The following RABGAP1L variants were observed in gnomAD, a reference collection of about 807,000 sequenced individuals.
The protein encoded by RABGAP1L is RAB GTPase activating protein 1 like.
A neutral mutation model predicts 137.7 loss-of-function variants in RABGAP1L; 63 were observed. That is an observed-to-expected ratio of 0.46 (90% CI 0.37 to 0.56). RABGAP1L has a LOEUF of 0.56. Ranked by LOEUF, RABGAP1L falls within the 20% of genes least tolerant of loss-of-function variation. The pLI, the probability that RABGAP1L is intolerant of heterozygous loss-of-function variation, is 0.00. For synonymous variants in RABGAP1L, 431 were observed against 433.7 expected, an observed-to-expected ratio of 0.99 and a Z score of 0.08; for missense variants, 1,095 against 1,244.0, an observed-to-expected ratio of 0.88 and a Z score of 1.80.
intron 19 of RABGAP1L, among the ~76,000 whole-genome samples, chr1:174,888,507 A>G (rs534653168): frequency 3.9e-5 from 6 of 152,248 alleles, no homozygotes; most frequent in Admixed American, 1.3e-4. Flanking sequence ...TGATTATTTA[A>G]TGAATCTCTC....
At chr1:174,343,187 G>GGAT (rs2148897473) in intron 11 of RABGAP1L, among the ~76,000 whole-genome samples, 1 of 152,226 alleles carries the variant, frequency 6.6e-6, no homozygotes, top group Non-Finnish European at 1.5e-5. Context: ...TCTGTGGTGT[G>GGAT]GATATAGCAT....
intron 13 of RABGAP1L, among the ~76,000 whole-genome samples, chr1:174,409,166 C>G (rs1019184286): frequency 2.0e-5 from 3 of 152,090 alleles, no homozygotes; most frequent in African/African-American, 7.2e-5. Context: ...ACGGAGGGAC[C>G]AGCTGGAGCT....
intron 19 of RABGAP1L, among the ~76,000 whole-genome samples, chr1:174,894,603 A>G (rs1656813446): frequency 6.6e-6 from 1 of 152,200 alleles, no homozygotes; most frequent in Non-Finnish European, 1.5e-5. Context: ...TCTCTTAGGA[A>G]AGACTTTCAC....
intron 17 of RABGAP1L, among the ~76,000 whole-genome samples, chr1:174,713,534 T>G (rs1680756009): frequency 6.6e-6 from 1 of 152,148 alleles, no homozygotes; most frequent in Non-Finnish European, 1.5e-5. Flanking sequence ...TATGGTTGTT[T>G]AGAAGACTGT....
intron 19 of RABGAP1L, among the ~76,000 whole-genome samples, chr1:174,837,663 C>T (rs1754349): frequency 0.41 from 61,752 of 152,040 alleles, 15,440 homozygotes; most frequent in Non-Finnish European, 0.54. Flanking sequence ...GATGCCAGGC[C>T]AGGCTGAAGT....
chr1:174,410,264 G>A (rs1301465230), intron 13 of RABGAP1L, among the ~76,000 whole-genome samples: 1 of 152,106 alleles, frequency 6.6e-6, no homozygotes, highest in Admixed American at 6.6e-5. Flanking sequence ...TTGGGGGTGG[G>A]TTCCCCCGAT....
intron 13 of RABGAP1L, among the ~76,000 whole-genome samples, chr1:174,498,657 C>T (rs188041772): frequency 2.1e-4 from 32 of 149,668 alleles, no homozygotes; most frequent in Admixed American, 1.1e-3. Flanking sequence ...CCACCACGCC[C>T]GGCTAAATTT....
intron 19 of RABGAP1L, among the ~76,000 whole-genome samples, chr1:174,906,742 A>G (rs1659155427): frequency 1.3e-5 from 2 of 152,064 alleles, no homozygotes; most frequent in Non-Finnish European, 2.9e-5. Flanking sequence ...GATATAGTAA[A>G]CTCTCAAAGA....
intron 11 of RABGAP1L, among the ~76,000 whole-genome samples, chr1:174,306,276 A>G (rs1395525725): frequency 1.3e-5 from 2 of 152,206 alleles, no homozygotes; most frequent in African/African-American, 4.8e-5. Flanking sequence ...TTGGGTATAT[A>G]CCCAGTAATT....
At chr1:174,254,249 C>T (rs1672938149) in intron 7 of RABGAP1L, among the ~76,000 whole-genome samples, 1 of 152,116 alleles carries the variant, frequency 6.6e-6, no homozygotes, top group South Asian at 2.1e-4. Context: ...ATGTAAAAAC[C>T]ATCTTTTATA....
rs1408259229 is a variant in RABGAP1L at position 174,993,550 on chromosome 1, AGAGTTACATCTTTAAAG to A, written c.*3554_*3570del. Reference sequence around the variant, plus strand: ...CAATACAGATTTGGGCAGAGGAGATAGAGTTACATCTTTAAAGGAGTGAGCCAGTCACCCAGGAGAAT... The same window carrying A: ...CAATACAGATTTGGGCAGAGGAGATAGAGTGAGCCAGTCACCCAGGAGAAT... On this transcript the variant is annotated 3_prime_UTR_variant, in exon 26 of 26. Transcript: ENST00000681986. 6.6e-6 allele frequency: 1 copy of A among 152,230 alleles called. No homozygotes were observed. The highest frequency in any genetic ancestry group is 1.5e-5 in the Non-Finnish European group (1 of 68,044). 9.4% of individuals were successfully genotyped at this position (152,230 alleles called of 1,614,324 possible).
rs1034794252 is a variant in RABGAP1L at position 174,978,884 on chromosome 1, T to C, written c.2727T>C (p.Tyr909=). 14 of 1,528,150 alleles carry C rather than the reference T, an allele frequency of 9.2e-6. No homozygotes were observed. The East Asian group carries it at 3.3e-4, about 36-fold the overall frequency. The allele number at this position is 1,528,150 out of a possible 1,614,324, so 94.7% of individuals were successfully genotyped here. A position where few individuals can be genotyped will look rare whatever the true frequency, so the allele number is the denominator to read the frequency against. Reference sequence around the variant, plus strand: ...AGACTACAGCTATCATTGCTGAGTATAAACAGGTAATGTACTTCTGTGGCA... The same window carrying C: ...AGACTACAGCTATCATTGCTGAGTACAAACAGGTAATGTACTTCTGTGGCA... ...IKKTTAIIAE[Y]KQICSQLSTR... Residue 909 remains tyrosine, a synonymous_variant, in exon 23 of 26, where the codon TAT becomes TAC. Coordinates refer to ENST00000681986, the MANE Select transcript of RABGAP1L (RefSeq NM_001366446.1).
At chr1:174,471,260 G>A (rs1325053170) in intron 13 of RABGAP1L, among the ~76,000 whole-genome samples, 1 of 152,130 alleles carries the variant, frequency 6.6e-6, no homozygotes, top group Non-Finnish European at 1.5e-5. Flanking sequence ...TATATTAGTT[G>A]TTTTGAAGAA....
At chr1:174,334,714 C>A (rs372341137) in intron 11 of RABGAP1L, among the ~76,000 whole-genome samples, 1 of 152,086 alleles carries the variant, frequency 6.6e-6, no homozygotes, top group Admixed American at 6.6e-5. Context: ...TTTTTCCAGT[C>A]TTTCTGTGAA....
At chr1:174,561,913 C>T (rs1667243811) in intron 13 of RABGAP1L, among the ~76,000 whole-genome samples, 1 of 152,070 alleles carries the variant, frequency 6.6e-6, no homozygotes, top group Non-Finnish European at 1.5e-5. Flanking sequence ...TAGAAGAAAA[C>T]CTAGGAAATA....
At chr1:174,361,900 C>G (rs977655710) in intron 11 of RABGAP1L, among the ~76,000 whole-genome samples, 41 of 152,068 alleles carry the variant, frequency 2.7e-4, no homozygotes, top group African/African-American at 8.7e-4. Flanking sequence ...GTCTAGTACC[C>G]TTTAATTACT....
chr1:174,967,587 C>T (rs1008702547), intron 20 of RABGAP1L, among the ~76,000 whole-genome samples: 1 of 152,042 alleles, frequency 6.6e-6, no homozygotes, highest in African/African-American at 2.4e-5. Context: ...GGTCCACCCA[C>T]CTCAGCCACC....
At chr1:174,433,341 T>G (rs976435070) in intron 13 of RABGAP1L, among the ~76,000 whole-genome samples, 5 of 152,276 alleles carry the variant, frequency 3.3e-5, no homozygotes, top group Non-Finnish European at 7.3e-5. Flanking sequence ...GTGTATGGTT[T>G]TATTTTATTG....
intron 11 of RABGAP1L, among the ~76,000 whole-genome samples, chr1:174,318,838 C>T (rs1679670765): frequency 6.6e-6 from 1 of 151,736 alleles, no homozygotes; most frequent in Non-Finnish European, 1.5e-5. Flanking sequence ...GCTTAACTAA[C>T]TGCATTAAAA....
Sources: allele counts gnomAD v4.1 joint callset (sites outside exome capture counted in the v4.1 genomes callset), GRCh38; gene constraint gnomAD v4.1.1; transcripts MANE v1.5; gene names NCBI Gene and HGNC (gene_info 2026-07-23, HGNC 2026-07-21).